Variants in DSE observed in about 807,000 individuals in gnomAD.
DSE encodes the protein dermatan sulfate epimerase.
Under a neutral mutation model 84.4 loss-of-function variants are expected in DSE, and 36 were observed. That is an observed-to-expected ratio of 0.43 (90% CI 0.33 to 0.56). DSE has a LOEUF of 0.56. DSE is among the 20% of genes least tolerant of loss of function. The probability of loss-of-function intolerance (pLI) is 0.06; values close to 1 mark genes in which losing one functional copy is unlikely to be tolerated. For synonymous variants in DSE, 410 were observed against 430.1 expected (o/e 0.95, Z 0.58); for missense variants, 862 against 1,169.6 (o/e 0.74, Z 3.84).
chr6:116,434,011 G>C (rs970329581), intron 5 of DSE, among the ~76,000 whole-genome samples: 5 of 152,142 alleles, frequency 3.3e-5, no homozygotes, highest in Middle Eastern at 3.4e-3. Context: ...CCAAAAAAAA[G>C]GTAGTAAAAT....
intron 2 of DSE, among the ~76,000 whole-genome samples, chr6:116,294,012 G>T (rs1453274507): frequency 6.6e-6 from 1 of 151,750 alleles, no homozygotes; most frequent in Non-Finnish European, 1.5e-5. Flanking sequence ...TCTATTTTTA[G>T]AAAAATTTAT....
intron 2 of DSE, among the ~76,000 whole-genome samples, chr6:116,421,463 A>ATATATATATATATATTTTT (rs1357496121): frequency 1.6e-5 from 1 of 61,344 alleles, no homozygotes; most frequent in African/African-American, 9.3e-5. Flanking sequence ...ATATATATAT[A>ATATATATATATATATTTTT]TTTTTTTTTT....
intron 1 of DSE, among the ~76,000 whole-genome samples, chr6:116,396,083 G>A (rs542377237): frequency 1.3e-4 from 20 of 152,076 alleles, no homozygotes; most frequent in Non-Finnish European, 2.1e-4. Context: ...TTCAAATAAG[G>A]GGGAACAAAG....
chr6:116,405,649 C>A (rs530957694), intron 2 of DSE, among the ~76,000 whole-genome samples: 1 of 152,154 alleles, frequency 6.6e-6, no homozygotes, highest in Non-Finnish European at 1.5e-5. Context: ...CTTTTTACAA[C>A]GATCAAATTA....
At chr6:116,269,776 C>CTGACTTTAAGCAGACT (rs1772805464) in intron 2 of DSE, among the ~76,000 whole-genome samples, 1 of 152,078 alleles carries the variant, frequency 6.6e-6, no homozygotes, top group African/African-American at 2.4e-5. Context: ...CTTTTAATAG[C>CTGACTTTAAGCAGACT]TGACTTTAAG....
chr6:116,355,091 G>A (rs1053428104), intron 2 of DSE, among the ~76,000 whole-genome samples: 1 of 152,144 alleles, frequency 6.6e-6, no homozygotes, highest in Non-Finnish European at 1.5e-5. Context: ...CACTTGAGTT[G>A]TTTTCAGTAT....
At chr6:116,374,880 C>T (rs546759530) in intron 1 of DSE, among the ~76,000 whole-genome samples, 1 of 152,176 alleles carries the variant, frequency 6.6e-6, no homozygotes, top group Non-Finnish European at 1.5e-5. Flanking sequence ...CCTTTCAATA[C>T]TGCCACATCC....
chr6:116,293,321 G>A (rs997291339), intron 2 of DSE, among the ~76,000 whole-genome samples: 3 of 146,684 alleles, frequency 2.0e-5, no homozygotes, highest in South Asian at 4.3e-4. Context: ...CACCAGACTC[G>A]AGTGCAGTGG....
rs1783823994 is a variant in DSE at position 116,431,296 on chromosome 6, G to C, written c.910+103G>C. Reference sequence around the variant, plus strand: ...CAGAGAAATTAGGTCCTTAGAGTTTGTCATATTGAAATTAAATAGATTTTT... The same window carrying C: ...CAGAGAAATTAGGTCCTTAGAGTTTCTCATATTGAAATTAAATAGATTTTT... On this transcript the variant is annotated intron_variant, in intron 4 of 5. Coordinates refer to ENST00000644252, the MANE Select transcript of DSE (RefSeq NM_013352.4). 25 of 1,426,960 alleles carry C rather than the reference G, an allele frequency of 1.8e-5. No individual in the cohort carries two copies. The South Asian group carries it at 3.5e-4, about 20-fold the overall frequency. The allele number at this position is 1,426,960 out of a possible 1,614,324, so 88.4% of individuals were successfully genotyped here.
chr6:116,398,684 C>T (rs1161080994), intron 1 of DSE, among the ~76,000 whole-genome samples: 1 of 152,144 alleles, frequency 6.6e-6, no homozygotes, highest in Non-Finnish European at 1.5e-5. Context: ...AATATTTTGT[C>T]TGCTTACAGA....
intron 2 of DSE, among the ~76,000 whole-genome samples, chr6:116,300,518 G>T (rs1189553568): frequency 6.6e-6 from 1 of 152,148 alleles, no homozygotes; most frequent in Non-Finnish European, 1.5e-5. Flanking sequence ...CATAATATTT[G>T]GTAATGGCTT....
chr6:116,355,742 T>C (rs1292234727), intron 2 of DSE: 1 of 152,240 alleles, frequency 6.6e-6, no homozygotes, highest in African/African-American at 2.4e-5. Flanking sequence ...ATGCAAATAC[T>C]AAGCAGGCTC....
chr6:116,353,005 T>C (rs1193924104), intron 2 of DSE, among the ~76,000 whole-genome samples: 3 of 152,250 alleles, frequency 2.0e-5, no homozygotes, highest in Non-Finnish European at 2.9e-5. Flanking sequence ...CAGGGACTTA[T>C]AACAGTCCCT....
chr6:116,276,811 A>C (rs929625047), intron 2 of DSE: 2 of 152,202 alleles, frequency 1.3e-5, no homozygotes, highest in Admixed American at 6.5e-5. Flanking sequence ...TTGTCAGAGC[A>C]ATTTCACAGT....
rs549025107 is a variant in DSE at position 116,429,671 on chromosome 6, G to A, written c.671-1283G>A. ...GTTATAGAAATATGAGGAGTTGGCC[G>A]GGCGCGGTGGCTCACGCTTGTAATC... On this transcript the variant is annotated intron_variant, in intron 3 of 5. Transcript: ENST00000644252. 2.6e-3 allele frequency among the ~76,000 whole-genome samples: 36 copies of A among 14,084 alleles called. 10 individuals are homozygous for A. In the South Asian group the frequency reaches 0.028, roughly 11 times the overall value. The allele number at this position is 14,084 out of a possible 152,430, so 9.2% of individuals were successfully genotyped here.
chr6:116,335,474 T>C (rs1444838957), intron 2 of DSE, among the ~76,000 whole-genome samples: 1 of 152,176 alleles, frequency 6.6e-6, no homozygotes, highest in African/African-American at 2.4e-5. Flanking sequence ...CAAACCCCCA[T>C]GACATGTTTA....
chr6:116,315,473 CA>C (rs1775918681), intron 2 of DSE, among the ~76,000 whole-genome samples: 1 of 152,032 alleles, frequency 6.6e-6, no homozygotes, highest in South Asian at 2.1e-4. Flanking sequence ...CAGAGCCTGG[CA>C]AGCAATAATT....
chr6:116,421,264 T>G (rs1420892065), intron 2 of DSE, among the ~76,000 whole-genome samples: 1 of 151,764 alleles, frequency 6.6e-6, no homozygotes. Context: ...CTCTTAAAAA[T>G]TAATGAGGAC....
chr6:116,395,433 A>AG (rs1781190589), intron 1 of DSE, among the ~76,000 whole-genome samples: 1 of 146,968 alleles, frequency 6.8e-6, no homozygotes, highest in Non-Finnish European at 1.5e-5. Context: ...TAAAAAATAA[A>AG]GAAAGTGGGA....
Sources: allele counts gnomAD v4.1 joint callset (sites outside exome capture counted in the v4.1 genomes callset), GRCh38; gene constraint gnomAD v4.1.1; transcripts MANE v1.5; gene names NCBI Gene and HGNC (gene_info 2026-07-23, HGNC 2026-07-21).